The following EXTL3 variants were observed in gnomAD, a reference collection of about 807,000 sequenced individuals.
EXTL3 encodes exostosin-like 3.
Under a neutral mutation model 69.3 loss-of-function variants are expected in EXTL3, and 27 were observed. The ratio of observed to expected loss-of-function variants is 0.39; its 90% confidence interval spans 0.29 to 0.54. The LOEUF is 0.54. EXTL3 is among the 20% of genes least tolerant of loss of function. EXTL3 has a pLI of 0.69. For synonymous variants in EXTL3, 511 were observed against 499.4 expected (o/e 1.02, Z -0.31); for missense variants, 1,003 against 1,231.8 (o/e 0.81, Z 2.78).
chr8:28,698,760 G>A (rs1312512393), upstream of EXTL3, among the ~76,000 whole-genome samples: 2 of 152,264 alleles, frequency 1.3e-5, no homozygotes, highest in African/African-American at 2.4e-5. Flanking sequence ...TTGGGAGGCC[G>A]AGGTGGGCGG....
chr8:28,664,989 A>G (rs1375092778), intron 1 of EXTL3, among the ~76,000 whole-genome samples: 1 of 148,824 alleles, frequency 6.7e-6, no homozygotes, highest in Non-Finnish European at 1.5e-5. Context: ...ACCTGACTCT[A>G]TCACCCTTGA....
At chr8:28,638,419 CA>C (rs1806689063) in intron 1 of EXTL3, among the ~76,000 whole-genome samples, 1 of 152,182 alleles carries the variant, frequency 6.6e-6, no homozygotes, top group South Asian at 2.1e-4. Context: ...GGCCCAGAGA[CA>C]TAAAGTAAGG....
intron 1 of EXTL3, among the ~76,000 whole-genome samples, chr8:28,644,782 G>A (rs975720942): frequency 2.0e-5 from 3 of 152,112 alleles, no homozygotes; most frequent in Non-Finnish European, 4.4e-5. Flanking sequence ...CTCTCCTACT[G>A]TATGTACGTG....
At chr8:28,709,382 C>G (rs1800986299) in intron 1 of EXTL3, among the ~76,000 whole-genome samples, 1 of 152,138 alleles carries the variant, frequency 6.6e-6, no homozygotes, top group Non-Finnish European at 1.5e-5. Flanking sequence ...TCATTGGGAA[C>G]ATCTGGAAAG....
At chr8:28,718,258 C>T in intron 3 of EXTL3, 51 bp downstream of exon 3, 1 of 1,559,556 alleles carries the variant, frequency 6.4e-7, no homozygotes, top group Non-Finnish European at 8.8e-7. Context: ...GTATTTCACT[C>T]TTAATCCCTT....
chr8:28,617,467 T>G (rs1352502239), intron 2 of EXTL3, among the ~76,000 whole-genome samples: 1 of 152,230 alleles, frequency 6.6e-6, no homozygotes, highest in Non-Finnish European at 1.5e-5. Context: ...CATATATATG[T>G]ACTATTCAGC....
intron 1 of EXTL3, among the ~76,000 whole-genome samples, chr8:28,626,252 G>C (rs2130551849): frequency 6.6e-6 from 1 of 151,874 alleles, no homozygotes; most frequent in Non-Finnish European, 1.5e-5. Flanking sequence ...GAAAGATATA[G>C]AATAAGACTA....
chr8:28,709,001 T>TGGAA (rs1302366710), intron 1 of EXTL3, among the ~76,000 whole-genome samples: 2 of 152,168 alleles, frequency 1.3e-5, no homozygotes, highest in Non-Finnish European at 1.5e-5. Context: ...AGCAGTGATA[T>TGGAA]GGAGAATGTA....
intron 1 of EXTL3, among the ~76,000 whole-genome samples, chr8:28,706,650 A>C (rs1268897607): frequency 6.6e-6 from 1 of 152,206 alleles, no homozygotes; most frequent in East Asian, 1.9e-4. Flanking sequence ...TATTAGTGGA[A>C]AATATCACAG....
chr8:28,704,427 C>T (rs1019629894), intron 1 of EXTL3, among the ~76,000 whole-genome samples: 29 of 152,238 alleles, frequency 1.9e-4, no homozygotes, highest in African/African-American at 6.5e-4. Context: ...AGGCAGCTGC[C>T]GCTTGCGGGT....
intron 1 of EXTL3, among the ~76,000 whole-genome samples, chr8:28,679,882 T>C (rs1252286122): frequency 6.6e-6 from 1 of 152,206 alleles, no homozygotes; most frequent in Non-Finnish European, 1.5e-5. Context: ...ATTTAAGTTC[T>C]TGCATCAAGA....
rs1413268242 is a variant in EXTL3 at position 28,754,266 on chromosome 8, GA to G, written c.*3401del. On this transcript the variant is annotated 3_prime_UTR_variant, in exon 7 of 7. Transcript: ENST00000220562. ...GATCTTGTGCTTGGCTGTGGGATCA[GA>G]GGCTTCCTCAGGAGAGGGCACTGAG... 6.6e-6 allele frequency: 1 copy of G among 152,394 alleles called. No individual in the cohort carries two copies. The highest frequency in any genetic ancestry group is 1.5e-5 in the Non-Finnish European group (1 of 68,206). The allele number at this position is 152,394 out of a possible 1,614,324, so 9.4% of individuals were successfully genotyped here.
intron 1 of EXTL3, among the ~76,000 whole-genome samples, chr8:28,649,247 G>T (rs1459274440): frequency 6.6e-6 from 1 of 152,112 alleles, no homozygotes; most frequent in African/African-American, 2.4e-5. Context: ...GTATGCAATT[G>T]TTCCTCTAGG....
intron 5 of EXTL3, chr8:28,739,955 C>A (rs115051381): frequency 6.6e-6 from 1 of 152,222 alleles, no homozygotes; most frequent in Non-Finnish European, 1.5e-5. Context: ...CATGAATGGT[C>A]AGGTACCTCT....
At chr8:28,702,151 T>C (rs1435581164) in intron 1 of EXTL3, among the ~76,000 whole-genome samples, 1 of 152,052 alleles carries the variant, frequency 6.6e-6, no homozygotes, top group Admixed American at 6.5e-5. Flanking sequence ...GAGCACACCT[T>C]CCCACATCTG....
chr8:28,739,568 C>T lies in EXTL3; in HGVS notation c.2421+1905C>T, dbSNP rs1385589947. On this transcript the variant is annotated intron_variant, in intron 5 of 6. Transcript: ENST00000220562. ...CTGGTCTCGAACTCCTGGACTCAAGCGATCTGCCCGCCTTAGCCTCCCAAA... is the reference window on the plus strand; with the variant it reads ...CTGGTCTCGAACTCCTGGACTCAAGTGATCTGCCCGCCTTAGCCTCCCAAA... Among the ~76,000 whole-genome samples, 3 of 152,206 alleles carry T rather than the reference C, an allele frequency of 2.0e-5. No homozygotes were observed. In the South Asian group the frequency reaches 6.2e-4, roughly 32 times the overall value.
At chr8:28,642,712 C>T (rs1806763945) in intron 1 of EXTL3, among the ~76,000 whole-genome samples, 1 of 152,044 alleles carries the variant, frequency 6.6e-6, no homozygotes, top group African/African-American at 2.4e-5. Flanking sequence ...AAGGAAATTC[C>T]TTGGCCACAG....
intron 2 of EXTL3, among the ~76,000 whole-genome samples, chr8:28,610,330 C>A (rs1806255473): frequency 6.6e-6 from 1 of 151,986 alleles, no homozygotes; most frequent in Non-Finnish European, 1.5e-5. Context: ...AATCCTGGGG[C>A]AATTTCCTCA....
chr8:28,735,114 T>C (rs1447492487), intron 4 of EXTL3, among the ~76,000 whole-genome samples: 2 of 151,606 alleles, frequency 1.3e-5, no homozygotes. Context: ...TACACGATAA[T>C]AGTAGCTGAC....
Sources: gnomAD v4.1 joint callset for allele counts (sites outside exome capture counted in the v4.1 genomes callset) on GRCh38, gnomAD v4.1.1 for gene constraint, MANE v1.5 for transcripts, NCBI Gene and HGNC (gene_info 2026-07-23, HGNC 2026-07-21) for gene names.